The following FOXP1 variants were observed in gnomAD, a reference collection of about 807,000 sequenced individuals.
FOXP1 encodes forkhead box protein P1.
FOXP1 carries 15 observed loss-of-function variants against 98.2 expected under a neutral mutation model. The observed-to-expected ratio is 0.15, with a 90% CI of 0.10 to 0.24. The LOEUF is 0.24. Ranked by LOEUF, FOXP1 falls within the 10% of genes least tolerant of loss-of-function variation. The pLI is 1.00. For missense variants in FOXP1, 633 were observed against 848.5 expected (o/e 0.75, Z 3.15); for synonymous variants, 371 against 314.5 (o/e 1.18, Z -1.90).
rs1433915757 is a variant in FOXP1 at position 70,975,614 on chromosome 3, T to TAACACATCCTTATCATATTTA, written c.1530+1306_1530+1326dup. On this transcript the variant is annotated intron_variant, in intron 17 of 20. Coordinates refer to ENST00000649528, the MANE Select transcript of FOXP1 (RefSeq NM_001349338.3). ...CGAAGGAAGTTTTCCTTGTGTCCTATAACACATCCTTATCATATTTAGATT... is the reference window on the plus strand; with the variant it reads ...CGAAGGAAGTTTTCCTTGTGTCCTATAACACATCCTTATCATATTTAAACACATCCTTATCATATTTAGATT... 8.5e-5 allele frequency among the ~76,000 whole-genome samples: 13 copies of TAACACATCCTTATCATATTTA among 152,364 alleles called. No homozygotes were observed. The East Asian group carries it at 2.3e-3, about 27-fold the overall frequency.
chr3:71,388,471 A>T (rs561856009), intron 3 of FOXP1, among the ~76,000 whole-genome samples: 1 of 151,800 alleles, frequency 6.6e-6, no homozygotes, highest in East Asian at 1.9e-4. Flanking sequence ...TACTTCATCA[A>T]CATCAGAAAA....
At chr3:71,190,855 AT>A (rs2062937732) in intron 6 of FOXP1, among the ~76,000 whole-genome samples, 2 of 152,102 alleles carry the variant, frequency 1.3e-5, no homozygotes, top group Admixed American at 1.3e-4. Flanking sequence ...CAAACACAGT[AT>A]TTAGCAAAGG....
intron 3 of FOXP1, among the ~76,000 whole-genome samples, chr3:71,432,674 C>T (rs73119179): frequency 0.32 from 48,643 of 151,730 alleles, 9,041 homozygotes; most frequent in Non-Finnish European, 0.43. Flanking sequence ...AGATCACCAG[C>T]GCTACTCATG....
intron 6 of FOXP1, among the ~76,000 whole-genome samples, chr3:71,190,744 T>G (rs1279707264): frequency 1.3e-5 from 2 of 152,058 alleles, no homozygotes; most frequent in Admixed American, 1.3e-4. Flanking sequence ...TGAGCCCACT[T>G]GCAACAAAGC....
At chr3:71,559,873 C>T (rs1040058672) in intron 2 of FOXP1, among the ~76,000 whole-genome samples, 1 of 151,876 alleles carries the variant, frequency 6.6e-6, no homozygotes, top group South Asian at 2.1e-4. Context: ...GCGGGGGGGA[C>T]CTACTAGGCC....
intron 2 of FOXP1, among the ~76,000 whole-genome samples, chr3:71,577,091 C>A (rs2047779334): frequency 1.3e-5 from 2 of 152,172 alleles, no homozygotes; most frequent in African/African-American, 4.8e-5. Context: ...CAGCTTCTGG[C>A]ACAACCTTCT....
chr3:71,096,756 CAG>C (rs1209211423), intron 7 of FOXP1, among the ~76,000 whole-genome samples: 1 of 152,100 alleles, frequency 6.6e-6, no homozygotes, highest in Non-Finnish European at 1.5e-5. Flanking sequence ...TGAAAATATT[CAG>C]AAGGACGAGA....
intron 4 of FOXP1, among the ~76,000 whole-genome samples, chr3:71,341,280 A>G (rs1359076593): frequency 1.3e-5 from 2 of 152,254 alleles, no homozygotes; most frequent in Non-Finnish European, 2.9e-5. Flanking sequence ...AAGAAATGAA[A>G]TTAGAAATCA....
chr3:71,278,462 C>T (rs183587528), intron 5 of FOXP1, among the ~76,000 whole-genome samples: 37 of 152,244 alleles, frequency 2.4e-4, no homozygotes, highest in Non-Finnish European at 4.9e-4. Flanking sequence ...TTAAAACGGC[C>T]GGTCTCAGGA....
chr3:71,055,666 G>A (rs1291131049), intron 7 of FOXP1, among the ~76,000 whole-genome samples: 1 of 152,132 alleles, frequency 6.6e-6, no homozygotes, highest in East Asian at 1.9e-4. Context: ...TCATACAGAA[G>A]AAACTTTTCG....
intron 6 of FOXP1, among the ~76,000 whole-genome samples, chr3:71,140,681 T>C (rs2060024355): frequency 6.6e-6 from 1 of 152,218 alleles, no homozygotes; most frequent in South Asian, 2.1e-4. Context: ...TGGTTGACTA[T>C]CTTGCCCAAT....
In FOXP1 at chr3:71,345,871, TAAAA is replaced by T. The variant is rs71120316; in HGVS notation, c.-73+13275_-73+13278del. On this transcript the variant is annotated intron_variant, in intron 4 of 20. Transcript: ENST00000649528. Reference sequence around the variant, plus strand: ...AGGTTTGAAATCAATAAAGTTTTTGTAAAAAAAAAAAAAAAAAAAAAAAAAAAGA... The same window carrying T: ...AGGTTTGAAATCAATAAAGTTTTTGTAAAAAAAAAAAAAAAAAAAAAAAGA... Among the ~76,000 whole-genome samples the T allele has an allele frequency of 2.9e-3, 159 of 55,090 alleles. 3 individuals are homozygous for T. Among genetic ancestry groups the T allele is most frequent in the Middle Eastern group, 0.014 (1 of 74 alleles). 36.1% of individuals were successfully genotyped at this position (55,090 alleles called of 152,430 possible). A position where few individuals can be genotyped will look rare whatever the true frequency, so the allele number is the denominator to read the frequency against.
At chr3:71,402,606 C>T (rs1419979892) in intron 3 of FOXP1, among the ~76,000 whole-genome samples, 1 of 152,168 alleles carries the variant, frequency 6.6e-6, no homozygotes, top group African/African-American at 2.4e-5. Flanking sequence ...TGAATAAATT[C>T]AGCATGAAGT....
chr3:71,548,770 C>CA, intron 2 of FOXP1, among the ~76,000 whole-genome samples: 1 of 151,712 alleles, frequency 6.6e-6, no homozygotes, highest in East Asian at 1.9e-4. Flanking sequence ...CTTTACCCCC[C>CA]CAAAAGAAAT....
intron 3 of FOXP1, among the ~76,000 whole-genome samples, chr3:71,476,694 G>A (rs904793433): frequency 6.6e-6 from 1 of 151,028 alleles, no homozygotes; most frequent in Non-Finnish European, 1.5e-5. Flanking sequence ...TGTACAGATG[G>A]GGTTTCACCT....
intron 13 of FOXP1, among the ~76,000 whole-genome samples, chr3:70,990,182 T>C (rs2040388607): frequency 6.6e-6 from 1 of 152,224 alleles, no homozygotes; most frequent in South Asian, 2.1e-4. Flanking sequence ...TCTAACTTTT[T>C]GGTTTTGTTT....
At chr3:71,102,730 T>C (rs2057073135) in intron 7 of FOXP1, among the ~76,000 whole-genome samples, 1 of 152,220 alleles carries the variant, frequency 6.6e-6, no homozygotes, top group South Asian at 2.1e-4. Flanking sequence ...CGAGGAGCAT[T>C]AAGCATCAGC....
chr3:71,333,696 G>A (rs34449418), intron 4 of FOXP1: 22,012 of 151,908 alleles, frequency 0.14, 1,793 homozygotes, highest in Non-Finnish European at 0.19. Context: ...GTGGTGGTGC[G>A]TGCCTGTGAT....
chr3:71,472,000 A>T (rs1388860982), intron 3 of FOXP1, among the ~76,000 whole-genome samples: 1 of 152,196 alleles, frequency 6.6e-6, no homozygotes, highest in Admixed American at 6.5e-5. Flanking sequence ...TAATGGTAGA[A>T]GATGGCCAAA....
Sources: gnomAD v4.1 joint callset for allele counts (sites outside exome capture counted in the v4.1 genomes callset) on GRCh38, gnomAD v4.1.1 for gene constraint, MANE v1.5 for transcripts, NCBI Gene and HGNC (gene_info 2026-07-23, HGNC 2026-07-21) for gene names.